GRM8: variants seen among roughly 807,000 people sequenced by gnomAD.
GRM8 encodes metabotropic glutamate receptor 8.
In GRM8, 47 loss-of-function variants were observed where a neutral mutation model predicts 87.2. The ratio of observed to expected loss-of-function variants is 0.54; its 90% CI spans 0.43 to 0.69. The LOEUF (loss-of-function observed/expected upper bound fraction) is 0.69. Among genes scored for constraint, GRM8 ranks in the 30% least tolerant of loss-of-function variants. The pLI is 0.00. For missense variants in GRM8, 1,019 were observed against 1,139.2 expected (o/e 0.89, Z 1.52); for synonymous variants, 396 against 404.5 (o/e 0.98, Z 0.25).
chr7:126,841,577 A>G (rs544895274), intron 6 of GRM8, among the ~76,000 whole-genome samples: 1 of 152,256 alleles, frequency 6.6e-6, no homozygotes, highest in South Asian at 2.1e-4. Flanking sequence ...AGGTAAAAAT[A>G]AAAGAAATCT....
rs1375282332 is a variant in GRM8, at chr7:127,074,656, C to T, written c.727+31840G>A. ...CTTCCCCATTATACAAGTTGCTTTGCCTGTAAGACCAAAATATTTCATCCA... is the reference window on the plus strand; with the variant it reads ...CTTCCCCATTATACAAGTTGCTTTGTCTGTAAGACCAAAATATTTCATCCA... On this transcript the variant is annotated intron_variant, in intron 3 of 10. Coordinates refer to ENST00000339582, the MANE Select transcript of GRM8 (RefSeq NM_000845.3). Among the ~76,000 whole-genome samples, 16 of 152,306 alleles carry T rather than the reference C, an allele frequency of 1.1e-4. No homozygotes were observed. The East Asian group carries it at 2.9e-3, about 28-fold the overall frequency.
At chr7:126,763,442 C>CATATATATATATATAT in intron 7 of GRM8, among the ~76,000 whole-genome samples, 1 of 119,924 alleles carries the variant, frequency 8.3e-6, no homozygotes, top group African/African-American at 3.0e-5. Flanking sequence ...ATGATAAATT[C>CATATATATATATATAT]ATATATATAT....
At chr7:126,991,802 G>T (rs748013209) in intron 3 of GRM8, among the ~76,000 whole-genome samples, 6 of 152,124 alleles carry the variant, frequency 3.9e-5, no homozygotes, top group Non-Finnish European at 7.4e-5. Flanking sequence ...CTGATACTCA[G>T]TGTAGCCTTA....
chr7:126,664,647 T>C (rs1294028113), intron 7 of GRM8, among the ~76,000 whole-genome samples: 2 of 152,074 alleles, frequency 1.3e-5, no homozygotes. Context: ...AAGTTAAATA[T>C]AAGACCTCAA....
chr7:127,135,569 G>GTAATTTTTTTCAT (rs1827902836), intron 2 of GRM8, among the ~76,000 whole-genome samples: 1 of 19,606 alleles, frequency 5.1e-5, no homozygotes, highest in South Asian at 1.5e-3. Context: ...GAATTAATGA[G>GTAATTTTTTTCAT]ATCGCGCCAC....
chr7:126,667,691 A>G (rs939272420), intron 7 of GRM8, among the ~76,000 whole-genome samples: 4 of 152,212 alleles, frequency 2.6e-5, no homozygotes, highest in Admixed American at 2.6e-4. Context: ...CAGGCCCAAG[A>G]CAGGTATTTA....
chr7:126,488,184 C>A (rs947792240), intron 9 of GRM8, among the ~76,000 whole-genome samples: 1 of 151,212 alleles, frequency 6.6e-6, no homozygotes, highest in African/African-American at 2.4e-5. Context: ...GAAAAAAAAA[C>A]AAAAAACAGG....
At chr7:126,597,709 C>T (rs1368898194) in intron 8 of GRM8, among the ~76,000 whole-genome samples, 1 of 152,034 alleles carries the variant, frequency 6.6e-6, no homozygotes, top group Non-Finnish European at 1.5e-5. Context: ...ACATTTCTTG[C>T]TTCACGTTAT....
chr7:126,758,353 C>T (rs902510095), intron 7 of GRM8, among the ~76,000 whole-genome samples: 2 of 152,076 alleles, frequency 1.3e-5, no homozygotes, highest in South Asian at 4.1e-4. Flanking sequence ...AAAGATGAGG[C>T]CATAAAGGCT....
chr7:126,715,580 T>C (rs942425781), intron 7 of GRM8, among the ~76,000 whole-genome samples: 1 of 152,184 alleles, frequency 6.6e-6, no homozygotes, highest in African/African-American at 2.4e-5. Flanking sequence ...TTGCTACTTC[T>C]AAGCTACATA....
intron 8 of GRM8, among the ~76,000 whole-genome samples, chr7:126,601,746 G>A (rs1797797350): frequency 6.8e-6 from 1 of 147,664 alleles, no homozygotes. Flanking sequence ...AGAAGTGTCT[G>A]TTCATGTCCT....
chr7:126,752,393 A>G (rs1232222609), intron 7 of GRM8, among the ~76,000 whole-genome samples: 2 of 152,152 alleles, frequency 1.3e-5, no homozygotes, highest in Non-Finnish European at 1.5e-5. Flanking sequence ...AGAAGCTTCA[A>G]TTAAAATCTA....
chr7:126,797,622 C>A (rs73448405), intron 6 of GRM8, among the ~76,000 whole-genome samples: 7,994 of 152,144 alleles, frequency 0.053, 681 homozygotes, highest in African/African-American at 0.18. Context: ...ACTGACAATT[C>A]TCTGAAGCCA....
intron 7 of GRM8, among the ~76,000 whole-genome samples, chr7:126,663,503 A>G (rs1355760251): frequency 6.6e-6 from 1 of 152,226 alleles, no homozygotes; most frequent in Non-Finnish European, 1.5e-5. Flanking sequence ...CAAATCAATA[A>G]ATGCGATTCA....
At chr7:127,219,941 C>A (rs1188079524) in intron 2 of GRM8, among the ~76,000 whole-genome samples, 1 of 152,172 alleles carries the variant, frequency 6.6e-6, no homozygotes, top group Non-Finnish European at 1.5e-5. Context: ...TTTGCAGGAG[C>A]CAGCAAACAA....
intron 2 of GRM8, among the ~76,000 whole-genome samples, chr7:127,109,574 A>C (rs571218124): frequency 2.0e-5 from 3 of 152,102 alleles, no homozygotes; most frequent in African/African-American, 7.2e-5. Context: ...AGTCACCTCC[A>C]TCTGGGGACA....
At chr7:126,807,355 A>T (rs889841497) in intron 6 of GRM8, among the ~76,000 whole-genome samples, 1 of 152,186 alleles carries the variant, frequency 6.6e-6, no homozygotes, top group South Asian at 2.1e-4. Context: ...AAAAAAAGGA[A>T]TAAGATTTCT....
At chr7:127,240,449 A>T (rs1474272138) in intron 2 of GRM8, among the ~76,000 whole-genome samples, 1 of 150,562 alleles carries the variant, frequency 6.6e-6, no homozygotes, top group Non-Finnish European at 1.5e-5. Context: ...AATGCAAACA[A>T]GCTTGGAAAA....
At chr7:126,558,714 C>A (rs1314549321) in intron 8 of GRM8, among the ~76,000 whole-genome samples, 3 of 152,114 alleles carry the variant, frequency 2.0e-5, no homozygotes, top group Non-Finnish European at 2.9e-5. Flanking sequence ...CACAACCATT[C>A]CTTTTTTTTC....
Sources: gnomAD v4.1 joint callset for allele counts (sites outside exome capture counted in the v4.1 genomes callset) on GRCh38, gnomAD v4.1.1 for gene constraint, MANE v1.5 for transcripts, NCBI Gene and HGNC (gene_info 2026-07-23, HGNC 2026-07-21) for gene names.